Variants in PHKB observed in about 807,000 individuals in gnomAD.
PHKB encodes phosphorylase b kinase regulatory subunit beta.
In PHKB, 122 loss-of-function variants were observed where a neutral mutation model predicts 152.1. The ratio of observed to expected loss-of-function variants is 0.80; its 90% CI spans 0.69 to 0.93. PHKB has a LOEUF of 0.93. PHKB is among the 40% of genes least tolerant of loss of function. PHKB has a pLI of 0.00. For missense variants in PHKB, 1,304 were observed against 1,328.4 expected (o/e 0.98, Z 0.29); for synonymous variants, 436 against 464.9 (o/e 0.94, Z 0.80).
At chr16:47,642,421 G>T (rs1973041619) in intron 16 of PHKB, among the ~76,000 whole-genome samples, 1 of 152,100 alleles carries the variant, frequency 6.6e-6, no homozygotes, top group Admixed American at 6.6e-5. Context: ...GAATGTTCTT[G>T]CTCGTTAGAG....
intron 28 of PHKB, among the ~76,000 whole-genome samples, chr16:47,693,882 G>A (rs1974104711): frequency 6.6e-6 from 1 of 152,086 alleles, no homozygotes; most frequent in African/African-American, 2.4e-5. Context: ...TCCTTCCTTT[G>A]TTTACTTACC....
intron 6 of PHKB, among the ~76,000 whole-genome samples, chr16:47,540,477 A>G (rs1236728383): frequency 4.0e-5 from 6 of 151,274 alleles, no homozygotes; most frequent in Non-Finnish European, 2.9e-5. Flanking sequence ...TTCTTGCACC[A>G]CCTCCCCTTT....
intron 14 of PHKB, among the ~76,000 whole-genome samples, chr16:47,633,156 T>C (rs901467964): frequency 5.3e-5 from 8 of 152,242 alleles, no homozygotes; most frequent in African/African-American, 1.9e-4. Context: ...AACCATATTG[T>C]TACTCTGACA....
At chr16:47,481,077 G>C (rs1352673213) in intron 1 of PHKB, among the ~76,000 whole-genome samples, 1 of 152,038 alleles carries the variant, frequency 6.6e-6, no homozygotes, top group Non-Finnish European at 1.5e-5. Flanking sequence ...GAGATATTTG[G>C]TTCCTCTCCC....
chr16:47,543,094 T>C (rs1356932901), intron 6 of PHKB, among the ~76,000 whole-genome samples: 2 of 152,224 alleles, frequency 1.3e-5, no homozygotes, highest in Non-Finnish European at 2.9e-5. Flanking sequence ...TCAAAGGGAA[T>C]GCTTCCAGTT....
At position 47,669,380 on chromosome 16, in the gene PHKB, C is replaced by G. The variant is rs142281844; in HGVS notation, c.2593C>G (p.Pro865Ala). ...TATTGGCTGGATCATCTCCAATAACCCTGAGTTATTCAGTGGCATGCTGAA... is the reference window on the plus strand; with the variant it reads ...TATTGGCTGGATCATCTCCAATAACGCTGAGTTATTCAGTGGCATGCTGAA... ...IHIGWIISNN[P>A]ELFSGMLKIR... The change falls in exon 26 of 31, where the codon CCT becomes GCT. Residue 865 changes from proline (P) to alanine (A), a missense_variant. By Grantham distance (27) the Pro-to-Ala change is conservative (BLOSUM62 -1). Coordinates refer to ENST00000323584, the MANE Select transcript of PHKB (RefSeq NM_000293.3). 2.2e-4 allele frequency: 348 copies of G among 1,613,910 alleles called. No homozygotes were observed. The highest frequency in any genetic ancestry group is 2.7e-4 in the Non-Finnish European group (318 of 1,179,920).
At chr16:47,638,766 A>G (rs1012045460) in intron 14 of PHKB, among the ~76,000 whole-genome samples, 1 of 152,214 alleles carries the variant, frequency 6.6e-6, no homozygotes, top group East Asian at 1.9e-4. Context: ...ATTAGTGTCC[A>G]CTTGATCAGA....
At chr16:47,593,594 T>C in intron 11 of PHKB, 37 bp downstream of exon 11, 1 of 1,187,516 alleles carries the variant, frequency 8.4e-7, no homozygotes, top group South Asian at 1.2e-5. Flanking sequence ...AGCAAGCTTT[T>C]TCCTGAAATT....
At chr16:47,552,261 G>T (rs940406851) in intron 7 of PHKB, among the ~76,000 whole-genome samples, 3 of 152,128 alleles carry the variant, frequency 2.0e-5, no homozygotes, top group Non-Finnish European at 4.4e-5. Context: ...TCATTATGAT[G>T]TTAGCTGGTT....
intron 7 of PHKB, among the ~76,000 whole-genome samples, chr16:47,578,388 G>A (rs9935427): frequency 0.12 from 17,771 of 151,924 alleles, 2,278 homozygotes; most frequent in African/African-American, 0.32. Flanking sequence ...TTTGATTGAC[G>A]TATAGGTATT....
intron 13 of PHKB, among the ~76,000 whole-genome samples, chr16:47,608,086 T>A (rs992010870): frequency 6.6e-6 from 1 of 152,120 alleles, no homozygotes; most frequent in African/African-American, 2.4e-5. Context: ...TAGGTGTAAA[T>A]CCCTTACAAG....
chr16:47,604,213 A>G, intron 13 of PHKB, among the ~76,000 whole-genome samples: 1 of 152,164 alleles, frequency 6.6e-6, no homozygotes, highest in Admixed American at 6.5e-5. Context: ...ATCAGCCTAC[A>G]TGAATGTTTT....
intron 26 of PHKB, among the ~76,000 whole-genome samples, chr16:47,687,609 T>G (rs913497013): frequency 6.6e-6 from 1 of 152,246 alleles, no homozygotes; most frequent in East Asian, 1.9e-4. Context: ...AATGAGCAGC[T>G]ATTAAATATT....
intron 14 of PHKB, among the ~76,000 whole-genome samples, chr16:47,630,761 C>T (rs555018781): frequency 8.6e-4 from 131 of 152,308 alleles, no homozygotes; most frequent in Middle Eastern, 6.8e-3. Flanking sequence ...AATCAGTAGA[C>T]TGAGTAAAGC....
rs183471403 is a variant in PHKB at position 47,618,240 on chromosome 16, T to G, written c.1458+7320T>G. 2.6e-5 allele frequency among the ~76,000 whole-genome samples: 4 copies of G among 152,372 alleles called. No individual in the cohort carries two copies. The East Asian group carries it at 7.7e-4, about 29-fold the overall frequency. On this transcript the variant is annotated intron_variant, in intron 14 of 30. Coordinates refer to ENST00000323584, the MANE Select transcript of PHKB (RefSeq NM_000293.3). The stretch of plus-strand genomic sequence containing the variant: ...ACACTAGAAATGTATTTAAATACCT[T>G]GTTGTCTCATGACCTTCTTTCTTTT...
chr16:47,598,672 T>C, intron 13 of PHKB: 1 of 1,539,832 alleles, frequency 6.5e-7, no homozygotes, highest in Non-Finnish European at 9.0e-7. Flanking sequence ...CCATTTCCAC[T>C]GATCGGCAGG....
At position 47,678,525 on chromosome 16, in the gene PHKB, C is replaced by G. The variant is rs868526469; in HGVS notation, c.2630+9108C>G. Among the ~76,000 whole-genome samples, 638 of 151,554 alleles carry G rather than the reference C, an allele frequency of 4.2e-3. 1 individual carries two copies. The highest frequency in any genetic ancestry group is 6.5e-3 in the African/African-American group (268 of 41,020). ...TTGCATTTCTCTGATGGCCAGTGAT[C>G]ATGAGCATTTTTTCATGTGTTTTTT... On this transcript the variant is annotated intron_variant, in intron 26 of 30. Coordinates refer to ENST00000323584, the MANE Select transcript of PHKB (RefSeq NM_000293.3).
chr16:47,461,321 G>C, upstream of PHKB: 1 of 1,557,164 alleles, frequency 6.4e-7, no homozygotes, highest in African/African-American at 1.3e-5. Flanking sequence ...CGGCCCCGGG[G>C]GCGGTGGCCA....
chr16:47,492,309 C>T (rs1356796592), intron 1 of PHKB, among the ~76,000 whole-genome samples: 1 of 152,116 alleles, frequency 6.6e-6, no homozygotes, highest in Non-Finnish European at 1.5e-5. Flanking sequence ...TCCTTTTTCA[C>T]AATTAAAACT....
Sources: allele counts gnomAD v4.1 joint callset (sites outside exome capture counted in the v4.1 genomes callset), GRCh38; gene constraint gnomAD v4.1.1; transcripts MANE v1.5; gene names NCBI Gene and HGNC (gene_info 2026-07-23, HGNC 2026-07-21).